The following ADGRD1 variants were observed in gnomAD, a reference collection of about 807,000 sequenced individuals.
The protein encoded by ADGRD1 is G-protein coupled receptor 133.
In ADGRD1, 77 loss-of-function variants were observed where a neutral mutation model predicts 113.4. That is an observed-to-expected ratio of 0.68 (90% CI 0.57 to 0.82). The LOEUF is 0.82. Ranked by LOEUF, ADGRD1 falls within the 40% of genes least tolerant of loss-of-function variation. The pLI is 0.00. For synonymous variants in ADGRD1, 474 were observed against 475.0 expected (o/e 1.00, Z 0.03); for missense variants, 1,036 against 1,139.1 (o/e 0.91, Z 1.30).
rs930226011 is a variant in ADGRD1, at chr12:131,003,842, C to T, written c.1145-344C>T. ...TTGTTGGCCGTGTTGCCCTCGCCTG[C>T]TGCGCTTGGGGAGGAGCCGATGTCA... On this transcript the variant is annotated intron_variant, in intron 10 of 24. Coordinates refer to ENST00000261654, the MANE Select transcript of ADGRD1 (RefSeq NM_198827.5). This position sits in a 1 kb window ranked among gnomAD's most constrained non-coding sequence, Gnocchi z 4.8. 1.8e-4 allele frequency among the ~76,000 whole-genome samples: 28 copies of T among 152,184 alleles called. No homozygotes were observed. Among genetic ancestry groups the T allele is most frequent in the African/African-American group, 6.0e-4 (25 of 41,462 alleles).
intron 12 of ADGRD1, among the ~76,000 whole-genome samples, chr12:131,009,027 G>A (rs1467041939): frequency 3.9e-5 from 6 of 152,336 alleles, no homozygotes; most frequent in Admixed American, 2.0e-4. Flanking sequence ...GCACACCAGC[G>A]GGAGCAGGGT....
intron 2 of ADGRD1, among the ~76,000 whole-genome samples, chr12:130,959,192 T>C (rs1476514518): frequency 6.6e-6 from 1 of 152,250 alleles, no homozygotes; most frequent in African/African-American, 2.4e-5. Flanking sequence ...TGTAGTATTT[T>C]GTTAAAGGTT....
intron 13 of ADGRD1, among the ~76,000 whole-genome samples, chr12:131,042,333 C>T (rs1882218088): frequency 6.6e-6 from 1 of 152,176 alleles, no homozygotes; most frequent in Non-Finnish European, 1.5e-5. Context: ...GCCTCAGGTT[C>T]CGGAGCCTGC....
At chr12:131,053,731 C>G (rs1827883710) in intron 13 of ADGRD1, among the ~76,000 whole-genome samples, 1 of 152,180 alleles carries the variant, frequency 6.6e-6, no homozygotes, top group Non-Finnish European at 1.5e-5. Flanking sequence ...TCAGCCGTTA[C>G]TCTACTGATG....
At chr12:131,120,991 C>CG (rs1950579123) in intron 20 of ADGRD1, 78 bp downstream of exon 20, 1 of 1,329,756 alleles carries the variant, frequency 7.5e-7, no homozygotes. Flanking sequence ...CTGGAGATGG[C>CG]GGGGGGCTCC....
At chr12:130,998,856 C>T (rs1875957911) in intron 8 of ADGRD1, among the ~76,000 whole-genome samples, 1 of 152,162 alleles carries the variant, frequency 6.6e-6, no homozygotes, top group Admixed American at 6.5e-5. Context: ...CTGTACTGTA[C>T]CGTGAGGCAG....
Position 131,139,224 on chromosome 12 carries a change from C to T in ADGRD1, c.2586C>T (p.Ser862=). The change falls in exon 25 of 25, where the codon AGC becomes AGT. Residue 862 remains serine (S), a synonymous_variant. Coordinates refer to ENST00000261654, the MANE Select transcript of ADGRD1 (RefSeq NM_198827.5). ...ASTKLSPWDK[S]SHSAHRVDLS... is the part of the protein sequence containing the mutation. ...CCAAGCTCAGCCCTTGGGACAAGAGCAGCCACTCTGCCCACCGCGTCGACC... is the reference window on the plus strand; with the variant it reads ...CCAAGCTCAGCCCTTGGGACAAGAGTAGCCACTCTGCCCACCGCGTCGACC... The T allele has an allele frequency of 6.2e-7, 1 of 1,613,156 alleles. No homozygotes were observed. Among genetic ancestry groups the T allele is most frequent in the Non-Finnish European group, 8.5e-7 (1 of 1,179,874 alleles).
intron 13 of ADGRD1, among the ~76,000 whole-genome samples, chr12:131,045,326 G>A (rs1882577984): frequency 2.0e-5 from 3 of 152,348 alleles, no homozygotes; most frequent in African/African-American, 7.2e-5. Flanking sequence ...GGGAGGCAGG[G>A]ATCTCGTCTT....
At chr12:130,987,821 T>C (rs1319568654) in intron 6 of ADGRD1, 1 of 180,544 alleles carries the variant, frequency 5.5e-6, no homozygotes, top group East Asian at 1.3e-4. Context: ...CGTGAGACTT[T>C]GGGAAGTCAT....
chr12:130,956,511 T>C (rs1210349181), intron 2 of ADGRD1: 1 of 152,216 alleles, frequency 6.6e-6, no homozygotes, highest in East Asian at 1.9e-4. Context: ...AGAGGACGTG[T>C]CCACCTTGGA....
At chr12:130,994,365 TA>T (rs879921503) in intron 8 of ADGRD1, 16 of 333,284 alleles carry the variant, frequency 4.8e-5, no homozygotes, top group Non-Finnish European at 8.3e-5. Context: ...TAGCACTTAG[TA>T]AACACTCACA....
rs781727151 is a variant in ADGRD1 at position 131,115,926 on chromosome 12, G to A, written c.2042-2459G>A. 1.3e-3 allele frequency among the ~76,000 whole-genome samples: 195 copies of A among 152,202 alleles called. 2 individuals are homozygous for A. The highest frequency in any genetic ancestry group is 2.5e-3 in the Non-Finnish European group (173 of 68,010). ...TCCCATGGTCTGAGCACAGAATTTCGGCTGGTTCCTTGTAGATGCACAGCT... is the reference window on the plus strand; with the variant it reads ...TCCCATGGTCTGAGCACAGAATTTCAGCTGGTTCCTTGTAGATGCACAGCT... On this transcript the variant is annotated intron_variant, in intron 18 of 24. Coordinates refer to ENST00000261654, the MANE Select transcript of ADGRD1 (RefSeq NM_198827.5).
Position 130,987,082 on chromosome 12 carries a change from C to T in ADGRD1, c.491-13C>T, listed in dbSNP as rs766297292. Reference sequence around the variant, plus strand: ...CCACAGTACTCAGAATGGCGATCTTCACTCTTTTCCAGGCCCCTATTGGAC... The same window carrying T: ...CCACAGTACTCAGAATGGCGATCTTTACTCTTTTCCAGGCCCCTATTGGAC... On this transcript the variant is annotated splice_polypyrimidine_tract_variant and intron_variant, in intron 5 of 24. Transcript: ENST00000261654. The T allele has an allele frequency of 1.8e-5, 29 of 1,612,650 alleles. No individual in the cohort carries two copies. Among genetic ancestry groups the T allele is most frequent in the Non-Finnish European group, 2.5e-5 (29 of 1,178,850 alleles).
intron 23 of ADGRD1, among the ~76,000 whole-genome samples, chr12:131,137,464 G>T (rs1001148462): frequency 6.6e-5 from 10 of 152,356 alleles, no homozygotes; most frequent in African/African-American, 9.6e-5. Flanking sequence ...GTACTTGGCT[G>T]GGGGGAGGTA....
Position 131,141,117 on chromosome 12 carries a change from T to G in ADGRD1, c.*1854T>G, listed in dbSNP as rs1053776104. 6 of 152,272 alleles carry G rather than the reference T, an allele frequency of 3.9e-5. No homozygotes were observed. The highest frequency in any genetic ancestry group is 8.8e-5 in the Non-Finnish European group (6 of 68,050). The allele number at this position is 152,272 out of a possible 1,614,324, so 9.4% of individuals were successfully genotyped here. A position where few individuals can be genotyped will look rare whatever the true frequency, so the allele number is the denominator to read the frequency against. ...TTCCTACAATGTACACTTGGATATTTCTCCTTATTTAGTTTCTAGTGAAAC... is the reference window on the plus strand; with the variant it reads ...TTCCTACAATGTACACTTGGATATTGCTCCTTATTTAGTTTCTAGTGAAAC... On this transcript the variant is annotated 3_prime_UTR_variant, in exon 25 of 25. Transcript: ENST00000261654.
chr12:130,956,928 A>G (rs946580303), intron 2 of ADGRD1: 1 of 152,478 alleles, frequency 6.6e-6, no homozygotes, highest in Admixed American at 6.5e-5. Context: ...ATATGGCCAC[A>G]TGTGCCAACA....
At chr12:130,977,869 T>G (rs1872518392) in intron 4 of ADGRD1, 1 of 152,316 alleles carries the variant, frequency 6.6e-6, no homozygotes, top group African/African-American at 2.4e-5. Context: ...GGGTGCTGAG[T>G]CTGTGGGCCT....
chr12:130,986,173 A>G (rs572690455), intron 5 of ADGRD1, among the ~76,000 whole-genome samples: 14 of 152,138 alleles, frequency 9.2e-5, no homozygotes, highest in Non-Finnish European at 1.9e-4. Context: ...ATAGTTTATC[A>G]ATATCCACAA....
intron 12 of ADGRD1, among the ~76,000 whole-genome samples, chr12:131,010,927 C>T (rs1438333301): frequency 1.3e-5 from 2 of 152,146 alleles, no homozygotes; most frequent in East Asian, 3.9e-4. Context: ...AATCCTGGCC[C>T]CACTATCTGC....
Sources: gnomAD v4.1 joint callset for allele counts (sites outside exome capture counted in the v4.1 genomes callset) on GRCh38, gnomAD v4.1.1 for gene constraint, Gnocchi (gnomAD v3.1) non-coding constraint, MANE v1.5 for transcripts, NCBI Gene and HGNC (gene_info 2026-07-23, HGNC 2026-07-21) for gene names.